Variants in RAB27A observed in about 807,000 individuals in gnomAD.
RAB27A encodes the protein RAB27A, member RAS oncogene family.
A neutral mutation model predicts 20.8 loss-of-function variants in RAB27A; 17 were observed. The ratio of observed to expected loss-of-function variants is 0.82; its 90% CI spans 0.56 to 1.23. RAB27A has a LOEUF of 1.23. Among genes scored for constraint, RAB27A ranks in the 50% most tolerant of loss-of-function variants. The probability of loss-of-function intolerance (pLI) is 0.00; values close to 1 mark genes in which losing one functional copy is unlikely to be tolerated. For synonymous variants in RAB27A, 85 were observed against 92.8 expected, an observed-to-expected ratio of 0.92 and a Z score of 0.48; for missense variants, 277 against 266.7, an observed-to-expected ratio of 1.04 and a Z score of -0.27.
At chr15:55,280,683 GTGTGTGAT>G (rs2141119564) in intron 1 of RAB27A, among the ~76,000 whole-genome samples, 1 of 151,824 alleles carries the variant, frequency 6.6e-6, no homozygotes, top group South Asian at 2.1e-4. Context: ...AGAGGCCCCG[GTGTGTGAT>G]GTTCCCCTTC....
Position 55,267,842 on chromosome 15 carries a change from A to G in RAB27A, c.-23+2323T>C, listed in dbSNP as rs187980993. The stretch of plus-strand genomic sequence containing the variant: ...CGGAAGCTGAAACAGCCGCAGAGAG[A>G]GGCAGCCTAGTTGCCGTGACGCCAT... On this transcript the variant is annotated intron_variant, in intron 2 of 6. Transcript: ENST00000336787. Among the ~76,000 whole-genome samples, 738 of 152,296 alleles carry G rather than the reference A, an allele frequency of 4.8e-3. 2 individuals are homozygous for G. Among genetic ancestry groups the G allele is most frequent in the Non-Finnish European group, 6.4e-3 (432 of 68,018 alleles).
At chr15:55,239,186 G>T (rs922035062) in intron 2 of RAB27A, among the ~76,000 whole-genome samples, 3 of 152,128 alleles carry the variant, frequency 2.0e-5, no homozygotes, top group Non-Finnish European at 4.4e-5. Context: ...AGTCACACTG[G>T]TTCTACCTCT....
chr15:55,316,992 C>A (rs958446513), intron 1 of RAB27A, among the ~76,000 whole-genome samples: 1 of 152,136 alleles, frequency 6.6e-6, no homozygotes, highest in Non-Finnish European at 1.5e-5. Context: ...ATTGCAAACA[C>A]CCTTCCCAAT....
chr15:55,278,839 TTTCTAAG>T (rs770864898), intron 1 of RAB27A, among the ~76,000 whole-genome samples: 12 of 152,212 alleles, frequency 7.9e-5, no homozygotes, highest in Admixed American at 1.3e-4. Context: ...AAAATCTGCA[TTTCTAAG>T]TTCTAAGTTC....
chr15:55,308,084 G>A (rs1365812335), intron 2 of RAB27A, among the ~76,000 whole-genome samples: 3 of 152,112 alleles, frequency 2.0e-5, no homozygotes, highest in African/African-American at 7.2e-5. Context: ...TCCCGGAGGG[G>A]ATTACCCCAT....
chr15:55,236,813 T>C (rs1339891703), intron 2 of RAB27A, among the ~76,000 whole-genome samples: 2 of 152,176 alleles, frequency 1.3e-5, no homozygotes, highest in Non-Finnish European at 2.9e-5. Context: ...TTTAGGGTAT[T>C]TATTTCCTCG....
At position 55,210,901 on chromosome 15, in the gene RAB27A, C is replaced by T. The variant is rs370715157; in HGVS notation, c.468-5196G>A. 3.9e-4 allele frequency among the ~76,000 whole-genome samples: 60 copies of T among 152,022 alleles called. 1 individual carries two copies. Among genetic ancestry groups the T allele is most frequent in the Admixed American group, 9.8e-4 (15 of 15,258 alleles). ...TCTAGTAGTTTCATAGTTTCAAGTCCGATATTTAAGTTTTAATTCATTTTG... is the reference window on the plus strand; with the variant it reads ...TCTAGTAGTTTCATAGTTTCAAGTCTGATATTTAAGTTTTAATTCATTTTG... On this transcript the variant is annotated intron_variant, in intron 6 of 6. Coordinates refer to ENST00000336787, the MANE Select transcript of RAB27A (RefSeq NM_183235.3).
At position 55,300,999 on chromosome 15, in the gene RAB27A, G is replaced by A. The variant is rs146962897; in HGVS notation, c.-112+13040C>T. On this transcript the variant is annotated intron_variant, in intron 2 of 5. Transcript: ENST00000563262. ...ATTAACCAGGCAGATGTGCACTGGG[G>A]AAAGAAAAATACTCAGACTTTGATG... 4.8e-3 allele frequency among the ~76,000 whole-genome samples: 738 copies of A among 152,284 alleles called. 9 individuals carry two copies. Among genetic ancestry groups the A allele is most frequent in the African/African-American group, 0.017 (705 of 41,558 alleles).
At chr15:55,248,990 T>G (rs1896790563) in intron 2 of RAB27A, 1 of 152,246 alleles carries the variant, frequency 6.6e-6, no homozygotes, top group Admixed American at 6.5e-5. Flanking sequence ...TTCTTATTGC[T>G]TCTCAAAGTC....
In RAB27A at chr15:55,203,480, T is replaced by G. The variant is rs1404414694; in HGVS notation, c.*2027A>C. The G allele has an allele frequency of 6.9e-6, 1 of 145,458 alleles. No individual in the cohort carries two copies. The highest frequency in any genetic ancestry group is 1.5e-5 in the Non-Finnish European group (1 of 66,728). The allele number at this position is 145,458 out of a possible 1,614,324, so 9.0% of individuals were successfully genotyped here. On this transcript the variant is annotated 3_prime_UTR_variant, in exon 7 of 7. Transcript: ENST00000336787. ...CCCAGGCTGGAGTGCAGTGGCGCAATCTCGGCTCACTGCAAGCTCCGCCTC... is the reference window on the plus strand; with the variant it reads ...CCCAGGCTGGAGTGCAGTGGCGCAAGCTCGGCTCACTGCAAGCTCCGCCTC...
intron 2 of RAB27A, among the ~76,000 whole-genome samples, chr15:55,245,023 G>C (rs1055971857): frequency 1.3e-5 from 2 of 152,174 alleles, no homozygotes; most frequent in Non-Finnish European, 2.9e-5. Flanking sequence ...AAGCAAGGAA[G>C]AGAAGTCACA....
chr15:55,223,523 A>C (rs1454408118), intron 6 of RAB27A, among the ~76,000 whole-genome samples: 1 of 151,116 alleles, frequency 6.6e-6, no homozygotes. Flanking sequence ...AAAAAAAAGA[A>C]AAGAAATGAA....
At chr15:55,308,266 C>T (rs2055006604) in intron 2 of RAB27A, among the ~76,000 whole-genome samples, 1 of 152,186 alleles carries the variant, frequency 6.6e-6, no homozygotes, top group African/African-American at 2.4e-5. Flanking sequence ...TAATAATCTC[C>T]TAATGGCTTC....
intron 2 of RAB27A, among the ~76,000 whole-genome samples, chr15:55,267,801 G>A (rs183248484): frequency 1.3e-5 from 2 of 152,290 alleles, no homozygotes; most frequent in East Asian, 1.9e-4. Context: ...CTCAGGTACC[G>A]AGGGTCCAGA....
At chr15:55,240,071 A>C (rs1896420273) in intron 2 of RAB27A, among the ~76,000 whole-genome samples, 1 of 152,156 alleles carries the variant, frequency 6.6e-6, no homozygotes, top group Admixed American at 6.6e-5. Context: ...GTTAAGTCTC[A>C]ATTGATGGTA....
intron 6 of RAB27A, among the ~76,000 whole-genome samples, chr15:55,221,266 C>T (rs1220196689): frequency 1.9e-5 from 2 of 104,382 alleles, no homozygotes; most frequent in South Asian, 3.8e-4. Flanking sequence ...TAGCTAACTC[C>T]TCTAACTGCC....
chr15:55,317,798 C>A, intron 1 of RAB27A: 1 of 398,014 alleles, frequency 2.5e-6, no homozygotes, highest in Non-Finnish European at 4.4e-6. Flanking sequence ...AACATTGCTG[C>A]AACAAATACA....
In RAB27A at chr15:55,202,996, G is replaced by A. The variant is rs1894467389; in HGVS notation, c.*2511C>T. On this transcript the variant is annotated 3_prime_UTR_variant, in exon 7 of 7. Transcript: ENST00000336787. ...CAGACTAGACCACTTTTTTATTACA[G>A]CTTAATTGGCACATGGTTCACTGAA... 1 of 152,100 alleles carries A rather than the reference G, an allele frequency of 6.6e-6. No individual in the cohort carries two copies. Among genetic ancestry groups the A allele is most frequent in the African/African-American group, 2.4e-5 (1 of 41,418 alleles). 9.4% of individuals were successfully genotyped at this position (152,100 alleles called of 1,614,324 possible). A position where few individuals can be genotyped will look rare whatever the true frequency, so the allele number is the denominator to read the frequency against.
intron 2 of RAB27A, among the ~76,000 whole-genome samples, chr15:55,296,897 G>T (rs1033572568): frequency 6.6e-6 from 1 of 152,150 alleles, no homozygotes; most frequent in African/African-American, 2.4e-5. Flanking sequence ...GGTATGGATA[G>T]GTGCAGGAGG....
Sources: allele counts gnomAD v4.1 joint callset (sites outside exome capture counted in the v4.1 genomes callset), GRCh38; gene constraint gnomAD v4.1.1; transcripts MANE v1.5; gene names NCBI Gene and HGNC (gene_info 2026-07-23, HGNC 2026-07-21).